MRAP2: variants seen among roughly 807,000 people sequenced by gnomAD.
MRAP2 encodes the protein melanocortin-2 receptor accessory protein 2.
Under a neutral mutation model 17.4 loss-of-function variants are expected in MRAP2, and 20 were observed. The observed-to-expected ratio is 1.15, with a 90% CI of 0.81 to 1.67. The LOEUF (loss-of-function observed/expected upper bound fraction) is 1.67. Ranked by LOEUF, MRAP2 falls within the 40% of genes most tolerant of loss-of-function variation. The pLI is 0.00. For missense variants in MRAP2, 238 were observed against 240.0 expected, an observed-to-expected ratio of 0.99 and a Z score of 0.05; for synonymous variants, 96 against 88.4, an observed-to-expected ratio of 1.09 and a Z score of -0.48.
intron 2 of MRAP2, chr6:84,062,390 A>T (rs2099493385): frequency 1.1e-5 from 4 of 348,658 alleles, no homozygotes; most frequent in Non-Finnish European, 1.6e-5. Context: ...TTAACCAACC[A>T]TGAGGCAGCC....
chr6:84,127,824 A>G, the MRAP2 span, among the ~76,000 whole-genome samples: 1 of 152,168 alleles, frequency 6.6e-6, no homozygotes, highest in Non-Finnish European at 1.5e-5. Flanking sequence ...TGATAAAGGG[A>G]TGGCCAATGA....
intron 3 of MRAP2, among the ~76,000 whole-genome samples, chr6:84,067,605 G>C (rs1232555528): frequency 6.6e-6 from 1 of 152,018 alleles, no homozygotes; most frequent in Admixed American, 6.6e-5. Context: ...TCGCACTGTG[G>C]CTTTGATTTG....
rs140265529 is a variant in MRAP2 at position 84,037,887 on chromosome 6, C to T, written c.-8+4004C>T. Among the ~76,000 whole-genome samples, 378 of 152,274 alleles carry T rather than the reference C, an allele frequency of 2.5e-3. 5 individuals are homozygous for T. Among genetic ancestry groups the T allele is most frequent in the African/African-American group, 8.6e-3 (358 of 41,564 alleles). ...CCTCGGCCAGCCCAGAGAGGGGCTC[C>T]CACAGTGCAGCGGTGTGCTGAAGGA... On this transcript the variant is annotated intron_variant, in intron 1 of 3. Transcript: ENST00000257776.
intron 1 of MRAP2, among the ~76,000 whole-genome samples, chr6:84,034,749 T>C (rs946651566): frequency 7.9e-5 from 12 of 152,218 alleles, no homozygotes; most frequent in Non-Finnish European, 1.5e-4. Flanking sequence ...GGAACTCTTA[T>C]GCATAAATTA....
chr6:84,037,739 A>C (rs535048354), intron 1 of MRAP2, among the ~76,000 whole-genome samples: 2 of 152,152 alleles, frequency 1.3e-5, no homozygotes, highest in South Asian at 4.2e-4. Context: ...TAAGCCCCTC[A>C]CTGCCCAGGG....
At chr6:84,131,787 CTT>C in the MRAP2 span, among the ~76,000 whole-genome samples, 1 of 152,098 alleles carries the variant, frequency 6.6e-6, no homozygotes, top group Admixed American at 6.6e-5. Flanking sequence ...GGTTTTGACT[CTT>C]TATCCAGTTT....
At chr6:84,043,899 G>T (rs1378755958) in intron 1 of MRAP2, among the ~76,000 whole-genome samples, 1 of 152,116 alleles carries the variant, frequency 6.6e-6, no homozygotes, top group Non-Finnish European at 1.5e-5. Flanking sequence ...TCTGTGAAGG[G>T]CATATTTATG....
intron 3 of MRAP2, among the ~76,000 whole-genome samples, chr6:84,073,562 G>A (rs1169025289): frequency 1.3e-5 from 2 of 152,188 alleles, no homozygotes; most frequent in African/African-American, 4.8e-5. Flanking sequence ...ACACTGCTCT[G>A]TCCATCCAAG....
the MRAP2 span, among the ~76,000 whole-genome samples, chr6:84,136,973 C>T: frequency 6.6e-6 from 1 of 152,180 alleles, no homozygotes. Context: ...GTTTTGGGCT[C>T]TCCTGACCAT....
In MRAP2 at chr6:84,055,961, G is replaced by A. The variant is rs145849992; in HGVS notation, c.127+516G>A. Among the ~76,000 whole-genome samples, 387 of 152,248 alleles carry A rather than the reference G, an allele frequency of 2.5e-3. 4 individuals are homozygous for A. Among genetic ancestry groups the A allele is most frequent in the African/African-American group, 9.0e-3 (373 of 41,548 alleles). On this transcript the variant is annotated intron_variant, in intron 2 of 3. Coordinates refer to ENST00000257776, the MANE Select transcript of MRAP2 (RefSeq NM_138409.4). ...GTTCTAGGCATGAATTGTGTTTCAT[G>A]CTATTGGAGTAATTAAGGGTCCAGC...
chr6:84,050,270 A>G (rs951974734), intron 1 of MRAP2, among the ~76,000 whole-genome samples: 2 of 152,224 alleles, frequency 1.3e-5, no homozygotes, highest in African/African-American at 4.8e-5. Context: ...CTCTATAAAA[A>G]GCAGAAGTAA....
intron 3 of MRAP2, among the ~76,000 whole-genome samples, chr6:84,064,352 G>A (rs2099493988): frequency 6.6e-6 from 1 of 152,082 alleles, no homozygotes; most frequent in African/African-American, 2.4e-5. Flanking sequence ...CTCCCCACTG[G>A]CTGAACACAA....
At chr6:84,078,603 G>A (rs943432597) in intron 3 of MRAP2, among the ~76,000 whole-genome samples, 1 of 152,160 alleles carries the variant, frequency 6.6e-6, no homozygotes, top group African/African-American at 2.4e-5. Flanking sequence ...AGGTGTTTGG[G>A]TTATAGGGGT....
At chr6:84,074,939 A>G (rs1265676789) in intron 3 of MRAP2, among the ~76,000 whole-genome samples, 1 of 152,102 alleles carries the variant, frequency 6.6e-6, no homozygotes, top group East Asian at 1.9e-4. Flanking sequence ...ATCACTAACT[A>G]CTTAGTGGCT....
chr6:84,129,371 G>C, the MRAP2 span, among the ~76,000 whole-genome samples: 1 of 152,082 alleles, frequency 6.6e-6, no homozygotes, highest in Admixed American at 6.5e-5. Context: ...ACTTTTTAAT[G>C]ATCGCCATTC....
chr6:84,040,523 G>A (rs2099487266), intron 1 of MRAP2, among the ~76,000 whole-genome samples: 1 of 152,170 alleles, frequency 6.6e-6, no homozygotes, highest in Non-Finnish European at 1.5e-5. Flanking sequence ...GAATTTCCTG[G>A]AGATGTAGAG....
At chr6:84,106,901 T>C in the MRAP2 span, among the ~76,000 whole-genome samples, 34,214 of 151,990 alleles carry the variant, frequency 0.23, 8,192 homozygotes, top group African/African-American at 0.61. Flanking sequence ...CTTTGTGGCT[T>C]ATGGTCAAGG....
intron 1 of MRAP2, among the ~76,000 whole-genome samples, chr6:84,040,960 G>C (rs181535175): frequency 7.2e-5 from 11 of 152,340 alleles, no homozygotes; most frequent in Non-Finnish European, 1.3e-4. Flanking sequence ...CCAAGACAAA[G>C]GGGAAAATGT....
the MRAP2 span, among the ~76,000 whole-genome samples, chr6:84,133,859 T>C: frequency 6.6e-6 from 1 of 152,188 alleles, no homozygotes; most frequent in South Asian, 2.1e-4. Flanking sequence ...CTCCTTGGGC[T>C]GTACCCACTG....
Sources: allele counts gnomAD v4.1 joint callset (sites outside exome capture counted in the v4.1 genomes callset), GRCh38; gene constraint gnomAD v4.1.1; transcripts MANE v1.5; gene names NCBI Gene and HGNC (gene_info 2026-07-23, HGNC 2026-07-21).